The following FRMD5 variants were observed in gnomAD, a reference collection of about 807,000 sequenced individuals.
FRMD5 encodes FERM domain containing 5, also known as FERM domain-containing protein 5.
A neutral mutation model predicts 69.0 loss-of-function variants in FRMD5; 20 were observed. That is an observed-to-expected ratio of 0.29 (90% CI 0.20 to 0.42). FRMD5 has a LOEUF of 0.42. FRMD5 is among the 10% of genes least tolerant of loss of function. The probability of loss-of-function intolerance (pLI) is 1.00; values close to 1 mark genes in which losing one functional copy is unlikely to be tolerated. For missense variants in FRMD5, 595 were observed against 708.6 expected (o/e 0.84, Z 1.82); for synonymous variants, 271 against 260.1 (o/e 1.04, Z -0.40).
At chr15:43,888,765 C>G in intron 9 of FRMD5, 44 bp downstream of exon 9, 1 of 1,537,968 alleles carries the variant, frequency 6.5e-7, no homozygotes, top group Non-Finnish European at 9.0e-7. Flanking sequence ...AGGAAGCATC[C>G]CATCACCCCA....
chr15:43,964,658 C>T (rs773935755), intron 1 of FRMD5, among the ~76,000 whole-genome samples: 6 of 151,994 alleles, frequency 3.9e-5, no homozygotes, highest in Non-Finnish European at 7.4e-5. Flanking sequence ...TATTCAGAAT[C>T]CTGCCCTCAA....
rs554580383 is a variant in FRMD5 at position 44,051,600 on chromosome 15, T to C, written c.103-127291A>G. ...CATACTTTATTCACATTTCCTTAGT[T>C]CTAACCTAATGCTCTTTTTCTATTC... On this transcript the variant is annotated intron_variant, in intron 1 of 13. Transcript: ENST00000417257. Among the ~76,000 whole-genome samples, 3 of 152,260 alleles carry C rather than the reference T, an allele frequency of 2.0e-5. No individual in the cohort carries two copies. The East Asian group carries it at 5.8e-4, about 30-fold the overall frequency.
At chr15:44,068,450 G>A (rs1348050839) in intron 1 of FRMD5, among the ~76,000 whole-genome samples, 1 of 152,092 alleles carries the variant, frequency 6.6e-6, no homozygotes, top group Non-Finnish European at 1.5e-5. Flanking sequence ...CAGTATGGAT[G>A]AATCTTTAAA....
chr15:44,122,657 C>T (rs1307611557), intron 1 of FRMD5, among the ~76,000 whole-genome samples: 1 of 152,106 alleles, frequency 6.6e-6, no homozygotes, highest in Non-Finnish European at 1.5e-5. Context: ...TGCCGAGGGG[C>T]CCAACCCAGG....
intron 1 of FRMD5, among the ~76,000 whole-genome samples, chr15:44,137,880 A>C (rs1403710965): frequency 1.3e-5 from 2 of 152,132 alleles, no homozygotes; most frequent in Admixed American, 1.3e-4. Flanking sequence ...TAAAGCCAGG[A>C]AGTGGGCAGC....
intron 4 of FRMD5, chr15:43,919,098 C>A: frequency 2.7e-6 from 1 of 369,144 alleles, no homozygotes; most frequent in South Asian, 2.2e-5. Context: ...CCACTTGAAT[C>A]TATTTGCAAC....
chr15:44,071,307 A>T (rs550808911), intron 1 of FRMD5, among the ~76,000 whole-genome samples: 2 of 152,294 alleles, frequency 1.3e-5, no homozygotes, highest in South Asian at 4.1e-4. Flanking sequence ...TCACACCTGT[A>T]ATCCCAGCAC....
intron 1 of FRMD5, among the ~76,000 whole-genome samples, chr15:44,161,247 G>T (rs1020268498): frequency 6.6e-6 from 1 of 152,120 alleles, no homozygotes; most frequent in Admixed American, 6.6e-5. Flanking sequence ...ATTCAAAAAA[G>T]TTCAACTGCT....
rs541030647 is a variant in FRMD5 at position 44,128,079 on chromosome 15, A to G, written c.102+66874T>C. Among the ~76,000 whole-genome samples the G allele has an allele frequency of 1.2e-4, 18 of 152,348 alleles. No individual in the cohort carries two copies. In the South Asian group the frequency reaches 3.5e-3, roughly 30 times the overall value. On this transcript the variant is annotated intron_variant, in intron 1 of 13. Coordinates refer to ENST00000417257, the MANE Select transcript of FRMD5 (RefSeq NM_032892.5). ...TCGCCCCCACCGTACAGACAGAATC[A>G]TGGCAGTTACATTTCAATGAAGCTT...
At chr15:44,008,295 G>T (rs1258379662) in intron 1 of FRMD5, among the ~76,000 whole-genome samples, 1 of 151,142 alleles carries the variant, frequency 6.6e-6, no homozygotes, top group Admixed American at 6.6e-5. Context: ...ACAGAGTCTT[G>T]CTCTGTTGCC....
At chr15:44,016,624 A>G (rs893828249) in intron 1 of FRMD5, among the ~76,000 whole-genome samples, 3 of 151,956 alleles carry the variant, frequency 2.0e-5, no homozygotes, top group Admixed American at 2.0e-4. Flanking sequence ...TTGGGAGGCC[A>G]AGGCAGGAGA....
chr15:43,892,081 A>G lies in FRMD5; in HGVS notation c.640-12T>C. On this transcript the variant is annotated splice_polypyrimidine_tract_variant and intron_variant, in intron 7 of 13. Coordinates refer to ENST00000417257, the MANE Select transcript of FRMD5 (RefSeq NM_032892.5). ...TTTCCTGACACGTCCTGCAACACAG[A>G]AAGACTTCTCATCGGGTGATGCAGG... The G allele has an allele frequency of 6.2e-7, 1 of 1,612,638 alleles. No homozygotes were observed. The highest frequency in any genetic ancestry group is 1.1e-5 in the South Asian group (1 of 91,020).
At position 43,878,120 on chromosome 15, in the gene FRMD5, A is replaced by C. The variant is rs1174184736; in HGVS notation, c.1136-3658T>G. On this transcript the variant is annotated intron_variant, in intron 13 of 13. Coordinates refer to ENST00000417257, the MANE Select transcript of FRMD5 (RefSeq NM_032892.5). ...CAGGCTCAGGTGATCCTCCCACCTC[A>C]GCCTCCTGAGTAGCTGGGACTACAG... 2.6e-5 allele frequency among the ~76,000 whole-genome samples: 4 copies of C among 152,288 alleles called. No homozygotes were observed. The East Asian group carries it at 7.7e-4, about 29-fold the overall frequency.
At chr15:44,188,131 T>C (rs1249292639) in intron 1 of FRMD5, among the ~76,000 whole-genome samples, 1 of 152,182 alleles carries the variant, frequency 6.6e-6, no homozygotes, top group African/African-American at 2.4e-5. Context: ...ACAAAATTTA[T>C]TTTTAAAAAA....
chr15:43,969,128 T>C (rs2090338523), intron 1 of FRMD5, among the ~76,000 whole-genome samples: 1 of 151,256 alleles, frequency 6.6e-6, no homozygotes, highest in East Asian at 1.9e-4. Context: ...TGCTCTGTCA[T>C]CCAGGCTGGA....
chr15:44,052,878 G>C (rs1892725930), intron 1 of FRMD5, among the ~76,000 whole-genome samples: 1 of 152,122 alleles, frequency 6.6e-6, no homozygotes, highest in African/African-American at 2.4e-5. Flanking sequence ...AGTATCCTAG[G>C]TGATGGGGAT....
chr15:43,988,291 A>G (rs1464760018), intron 1 of FRMD5, among the ~76,000 whole-genome samples: 1 of 151,948 alleles, frequency 6.6e-6, no homozygotes, highest in Non-Finnish European at 1.5e-5. Context: ...GGTCTCCAGA[A>G]TTGAGGCAAG....
intron 1 of FRMD5, among the ~76,000 whole-genome samples, chr15:43,947,017 C>T (rs2089958121): frequency 6.6e-6 from 1 of 152,170 alleles, no homozygotes; most frequent in African/African-American, 2.4e-5. Flanking sequence ...TTTTAAATTC[C>T]CGTACACCTT....
chr15:44,003,709 G>A (rs750255037), intron 1 of FRMD5, among the ~76,000 whole-genome samples: 14 of 152,102 alleles, frequency 9.2e-5, no homozygotes, highest in Non-Finnish European at 1.5e-4. Context: ...TATTTGATAC[G>A]TATACTTGAT....
Sources: gnomAD v4.1 joint callset for allele counts (sites outside exome capture counted in the v4.1 genomes callset) on GRCh38, gnomAD v4.1.1 for gene constraint, MANE v1.5 for transcripts, NCBI Gene and HGNC (gene_info 2026-07-23, HGNC 2026-07-21) for gene names.